ELAC1: variants seen among roughly 807,000 people sequenced by gnomAD.
ELAC1 encodes the protein elaC ribonuclease Z 1, also known as zinc phosphodiesterase ELAC protein 1.
In ELAC1, 19 loss-of-function variants were observed where a neutral mutation model predicts 25.8. The observed-to-expected ratio is 0.74, with a 90% CI of 0.51 to 1.08. ELAC1 has a LOEUF of 1.08. Among genes scored for constraint, ELAC1 ranks in the 50% least tolerant of loss-of-function variants. The pLI, the probability that ELAC1 is intolerant of heterozygous loss-of-function variation, is 0.00. For missense variants in ELAC1, 403 were observed against 434.6 expected, an observed-to-expected ratio of 0.93 and a Z score of 0.65; for synonymous variants, 148 against 160.9, an observed-to-expected ratio of 0.92 and a Z score of 0.61.
At chr18:50,985,912 A>C (rs1311374422) in intron 3 of ELAC1, among the ~76,000 whole-genome samples, 1 of 152,126 alleles carries the variant, frequency 6.6e-6, no homozygotes. Context: ...CAATTGCCTG[A>C]AAAAATGCTC....
At chr18:50,982,780 C>T (rs1275736772) in intron 2 of ELAC1, among the ~76,000 whole-genome samples, 1 of 152,198 alleles carries the variant, frequency 6.6e-6, no homozygotes, top group East Asian at 1.9e-4. Context: ...ATTCTGCCTT[C>T]TGTTGCCCAC....
At chr18:50,979,931 A>G (rs1198735715) in intron 2 of ELAC1, among the ~76,000 whole-genome samples, 1 of 152,042 alleles carries the variant, frequency 6.6e-6, no homozygotes, top group African/African-American at 2.4e-5. Context: ...GGGTTTTGCC[A>G]TGTTGCCCAG....
chr18:50,985,054 A>G (rs1356761691), intron 3 of ELAC1, among the ~76,000 whole-genome samples: 1 of 152,160 alleles, frequency 6.6e-6, no homozygotes, highest in Non-Finnish European at 1.5e-5. Flanking sequence ...GGGCCAAAAA[A>G]TGCTATTTAG....
chr18:50,980,063 C>T (rs887235709), intron 2 of ELAC1, among the ~76,000 whole-genome samples: 1 of 152,102 alleles, frequency 6.6e-6, no homozygotes, highest in Non-Finnish European at 1.5e-5. Flanking sequence ...TGGAGTTGGG[C>T]ACAGTGGCTC....
intron 3 of ELAC1, among the ~76,000 whole-genome samples, chr18:50,985,189 G>T (rs1005823032): frequency 2.0e-5 from 3 of 152,078 alleles, no homozygotes; most frequent in Non-Finnish European, 2.9e-5. Context: ...GTGGTTTTAG[G>T]TCCAGGCTTT....
chr18:50,972,400 G>A (rs1386090785), intron 1 of ELAC1, among the ~76,000 whole-genome samples: 2 of 152,166 alleles, frequency 1.3e-5, no homozygotes, highest in African/African-American at 2.4e-5. Context: ...TATTGATTCC[G>A]ATAGGTAGCT....
chr18:50,977,032 T>C (rs1243033092), intron 2 of ELAC1, among the ~76,000 whole-genome samples: 1 of 152,236 alleles, frequency 6.6e-6, no homozygotes, highest in African/African-American at 2.4e-5. Context: ...AGAGGTGGGC[T>C]CCCATTGTCT....
At chr18:50,970,347 A>G (rs1406597189) in intron 1 of ELAC1, among the ~76,000 whole-genome samples, 3 of 152,262 alleles carry the variant, frequency 2.0e-5, no homozygotes, top group African/African-American at 4.8e-5. Flanking sequence ...GTTAGGGATG[A>G]CAAAGTGATT....
At chr18:50,972,261 C>T (rs1044325329) in intron 1 of ELAC1, among the ~76,000 whole-genome samples, 3 of 151,904 alleles carry the variant, frequency 2.0e-5, no homozygotes, top group South Asian at 2.1e-4. Context: ...TTCTTAACTA[C>T]GTGAAGTGTA....
chr18:50,983,155 GTTTTTTTTTTTT>G (rs552455433), intron 2 of ELAC1, among the ~76,000 whole-genome samples: 1 of 60,862 alleles, frequency 1.6e-5, no homozygotes, highest in Non-Finnish European at 3.1e-5. Flanking sequence ...TTTACTTGGT[GTTTTTTTTTTTT>G]TTTTTTTTTT....
In ELAC1 at chr18:50,981,402, A is replaced by G. The variant is rs188669664; in HGVS notation, c.158-2694A>G. The stretch of plus-strand genomic sequence containing the variant: ...TGGCATAACCTGCTTTTTTTTTTCA[A>G]CTGAGCAATGTATACAAACAATATA... On this transcript the variant is annotated intron_variant, in intron 2 of 3. Transcript: ENST00000269466. Among the ~76,000 whole-genome samples the G allele has an allele frequency of 7.7e-3, 1,165 of 151,924 alleles. 33 individuals carry two copies. The highest frequency in any genetic ancestry group is 0.055 in the Admixed American group (847 of 15,266).
Position 50,987,023 on chromosome 18 carries a change from G to C in ELAC1, c.1030G>C (p.Asp344His). 1 of 1,602,468 alleles carries C rather than the reference G, an allele frequency of 6.2e-7. No homozygotes were observed. The highest frequency in any genetic ancestry group is 8.5e-7 in the Non-Finnish European group (1 of 1,175,468). Residue 344 changes from aspartate (D) to histidine (H), a missense_variant, in exon 4 of 4, where the codon GAT (aspartate) becomes CAT (histidine). Physicochemically the swap from Asp to His is moderately conservative, Grantham distance 81. Transcript: ENST00000269466. Reference sequence around the variant, plus strand: ...AAAAAAGCAAGCTGAATCAGTGTTAGATCTCCAAGAAGTGACTCTAGCAGA... The same window carrying C: ...AAAAAAGCAAGCTGAATCAGTGTTACATCTCCAAGAAGTGACTCTAGCAGA... Reference protein sequence around the residue: ...ELKKQAESVLDLQEVTLAEDF... With the variant: ...ELKKQAESVLHLQEVTLAEDF...
intron 1 of ELAC1, among the ~76,000 whole-genome samples, chr18:50,971,906 GTGTGTGTATATATA>G (rs1202590157): frequency 7.4e-5 from 8 of 108,464 alleles, no homozygotes; most frequent in Non-Finnish European, 1.1e-4. Context: ...ATGTGTGTGT[GTGTGTGTATATATA>G]TATATATATA....
intron 2 of ELAC1, among the ~76,000 whole-genome samples, chr18:50,983,697 A>G (rs2144323392): frequency 6.6e-6 from 1 of 151,642 alleles, no homozygotes; most frequent in East Asian, 1.9e-4. Context: ...AAATTAAAAA[A>G]AAAAAAAAAA....
At chr18:50,982,228 A>C (rs1907970868) in intron 2 of ELAC1, among the ~76,000 whole-genome samples, 1 of 152,114 alleles carries the variant, frequency 6.6e-6, no homozygotes, top group Non-Finnish European at 1.5e-5. Context: ...AGACGGGGGA[A>C]ATGAGGAATT....
chr18:50,987,011 G>A lies in ELAC1; in HGVS notation c.1018G>A (p.Glu340Lys). ...DGIAELKKQA[E>K]SVLDLQEVTL... ...CATTGCAGAACTAAAAAAGCAAGCT[G>A]AATCAGTGTTAGATCTCCAAGAAGT... The change falls in exon 4 of 4, where the codon GAA becomes AAA. Residue 340 changes from glutamate to lysine, a missense_variant. Physicochemically the swap from Glu to Lys is moderately conservative, Grantham distance 56. Coordinates refer to ENST00000269466, the MANE Select transcript of ELAC1 (RefSeq NM_018696.3). 1 of 1,611,182 alleles carries A rather than the reference G, an allele frequency of 6.2e-7. No homozygotes were observed. The highest frequency in any genetic ancestry group is 8.5e-7 in the Non-Finnish European group (1 of 1,178,696).
chr18:50,970,543 T>C (rs1907623416), intron 1 of ELAC1, among the ~76,000 whole-genome samples: 1 of 152,038 alleles, frequency 6.6e-6, no homozygotes, highest in Admixed American at 6.5e-5. Flanking sequence ...ATGTTAGCAA[T>C]AACCTCAACG....
At chr18:50,974,040 C>A (rs1405247586) in intron 1 of ELAC1, among the ~76,000 whole-genome samples, 1 of 152,216 alleles carries the variant, frequency 6.6e-6, no homozygotes, top group African/African-American at 2.4e-5. Context: ...CCCCTGTGCT[C>A]TGCCTGTTCA....
chr18:50,981,181 A>G (rs1907940959), intron 2 of ELAC1, among the ~76,000 whole-genome samples: 1 of 151,838 alleles, frequency 6.6e-6, no homozygotes, highest in Non-Finnish European at 1.5e-5. Flanking sequence ...TATTAAAAGT[A>G]TTATAAGAGC....
Sources: allele counts gnomAD v4.1 joint callset (sites outside exome capture counted in the v4.1 genomes callset), GRCh38; gene constraint gnomAD v4.1.1; transcripts MANE v1.5; gene names NCBI Gene and HGNC (gene_info 2026-07-23, HGNC 2026-07-21).